The following AGBL4 variants were observed in gnomAD, a reference collection of about 807,000 sequenced individuals.
AGBL4 encodes cytosolic carboxypeptidase 6.
A neutral mutation model predicts 66.4 loss-of-function variants in AGBL4; 58 were observed. The ratio of observed to expected loss-of-function variants is 0.87; its 90% CI spans 0.71 to 1.09. AGBL4 has a LOEUF of 1.09. Among genes scored for constraint, AGBL4 ranks in the 50% least tolerant of loss-of-function variants. The probability of loss-of-function intolerance (pLI) is 0.00; values close to 1 mark genes in which losing one functional copy is unlikely to be tolerated. For synonymous variants in AGBL4, 234 were observed against 222.9 expected (o/e 1.05, Z -0.44); for missense variants, 579 against 631.0 (o/e 0.92, Z 0.88).
chr1:48,760,094 C>T (rs565463800), intron 6 of AGBL4, among the ~76,000 whole-genome samples: 27 of 152,292 alleles, frequency 1.8e-4, no homozygotes, highest in African/African-American at 6.5e-4. Context: ...AATCTAACTT[C>T]CAGTACAAGG....
At chr1:49,180,983 A>G (rs940769612) in intron 4 of AGBL4, among the ~76,000 whole-genome samples, 23 of 151,782 alleles carry the variant, frequency 1.5e-4, no homozygotes, top group African/African-American at 5.3e-4. Flanking sequence ...TATGGCTTGG[A>G]AAAACCTCTC....
chr1:49,381,617 C>A (rs1159171627), intron 3 of AGBL4, among the ~76,000 whole-genome samples: 1 of 151,960 alleles, frequency 6.6e-6, no homozygotes, highest in Non-Finnish European at 1.5e-5. Flanking sequence ...CAGTATTAGA[C>A]TGGATTAAGA....
intron 5 of AGBL4, among the ~76,000 whole-genome samples, chr1:48,907,330 C>A (rs1292369376): frequency 2.0e-5 from 3 of 152,114 alleles, no homozygotes; most frequent in African/African-American, 7.2e-5. Context: ...TAATAACTAA[C>A]AAGATAGTAA....
chr1:49,492,010 T>A (rs1241648448), intron 3 of AGBL4, among the ~76,000 whole-genome samples: 1 of 151,940 alleles, frequency 6.6e-6, no homozygotes, highest in Non-Finnish European at 1.5e-5. Context: ...TAAACTGTAA[T>A]GAAAGTGATG....
intron 11 of AGBL4, among the ~76,000 whole-genome samples, chr1:48,544,721 AC>A (rs1267847551): frequency 1.3e-5 from 2 of 151,992 alleles, no homozygotes; most frequent in Non-Finnish European, 2.9e-5. Flanking sequence ...CTGCCCTGAG[AC>A]CCTGAGACCC....
At chr1:49,336,317 C>T (rs1157460745) in intron 3 of AGBL4, among the ~76,000 whole-genome samples, 2 of 152,164 alleles carry the variant, frequency 1.3e-5, no homozygotes, top group Non-Finnish European at 2.9e-5. Context: ...AGAGTGAATT[C>T]CATCTATTTA....
At chr1:49,420,229 C>T (rs1442857057) in intron 3 of AGBL4, among the ~76,000 whole-genome samples, 2 of 152,116 alleles carry the variant, frequency 1.3e-5, no homozygotes, top group African/African-American at 4.8e-5. Flanking sequence ...AAAGGCATGA[C>T]ATGTGAAGTC....
At chr1:49,973,298 A>G (rs1658287406) in intron 1 of AGBL4, among the ~76,000 whole-genome samples, 2 of 152,190 alleles carry the variant, frequency 1.3e-5, no homozygotes. Flanking sequence ...CATAATTCCA[A>G]TCATTTAGAG....
intron 5 of AGBL4, among the ~76,000 whole-genome samples, chr1:48,953,180 G>A (rs1030265262): frequency 2.6e-5 from 4 of 152,062 alleles, no homozygotes; most frequent in Admixed American, 1.3e-4. Flanking sequence ...ATGAGCTGAA[G>A]GTCCAGAGAA....
intron 6 of AGBL4, among the ~76,000 whole-genome samples, chr1:48,695,428 C>T (rs1646699628): frequency 6.6e-6 from 1 of 152,226 alleles, no homozygotes; most frequent in Non-Finnish European, 1.5e-5. Context: ...GCCCTAATTT[C>T]AGTATAATCA....
intron 3 of AGBL4, among the ~76,000 whole-genome samples, chr1:49,393,361 G>C (rs1018905668): frequency 5.9e-5 from 9 of 152,112 alleles, no homozygotes; most frequent in Non-Finnish European, 1.0e-4. Context: ...GTCTGGAGAG[G>C]CTGGAAGATT....
rs867856610 is a variant in AGBL4, at chr1:49,529,483, A to G, written c.282+167830T>C. Among the ~76,000 whole-genome samples the G allele has an allele frequency of 2.6e-5, 4 of 152,054 alleles. No homozygotes were observed. The South Asian group carries it at 8.3e-4, about 31-fold the overall frequency. Reference sequence around the variant, plus strand: ...GACTTGAGGCCAGGAGTTCAAGACAAGCCTGGCCAACATGGTGAAACCCCT... The same window carrying G: ...GACTTGAGGCCAGGAGTTCAAGACAGGCCTGGCCAACATGGTGAAACCCCT... On this transcript the variant is annotated intron_variant, in intron 3 of 13. Transcript: ENST00000371839.
intron 2 of AGBL4, among the ~76,000 whole-genome samples, chr1:49,731,699 T>C (rs1013106980): frequency 6.6e-6 from 1 of 152,176 alleles, no homozygotes; most frequent in African/African-American, 2.4e-5. Context: ...ATATGTACCT[T>C]TTCATAAAGG....
At chr1:49,947,437 A>C (rs1655314680) in intron 1 of AGBL4, among the ~76,000 whole-genome samples, 1 of 151,992 alleles carries the variant, frequency 6.6e-6, no homozygotes, top group Non-Finnish European at 1.5e-5. Flanking sequence ...ATTAAAAACA[A>C]AAATCACATC....
At chr1:48,548,311 G>T in intron 11 of AGBL4, among the ~76,000 whole-genome samples, 1 of 151,928 alleles carries the variant, frequency 6.6e-6, no homozygotes, top group Non-Finnish European at 1.5e-5. Flanking sequence ...AATGGGCTTG[G>T]GGGAGGTGAA....
intron 12 of AGBL4, among the ~76,000 whole-genome samples, 189 bp downstream of exon 12, chr1:48,539,453 T>C (rs1402866475): frequency 1.3e-5 from 2 of 151,764 alleles, no homozygotes; most frequent in African/African-American, 4.8e-5. Context: ...TCTGACCCCT[T>C]AATGACACTT....
chr1:49,166,609 T>A (rs1344100132), intron 4 of AGBL4, among the ~76,000 whole-genome samples: 1 of 152,114 alleles, frequency 6.6e-6, no homozygotes, highest in Non-Finnish European at 1.5e-5. Flanking sequence ...CAATTTAAGC[T>A]CCCAAAGTAT....
chr1:49,171,367 A>T (rs1011616729), intron 4 of AGBL4, among the ~76,000 whole-genome samples: 1 of 152,194 alleles, frequency 6.6e-6, no homozygotes, highest in Non-Finnish European at 1.5e-5. Context: ...ACCTATATTC[A>T]TCAGTGTACT....
At chr1:48,971,476 G>A (rs941726119) in intron 5 of AGBL4, among the ~76,000 whole-genome samples, 2 of 151,730 alleles carry the variant, frequency 1.3e-5, no homozygotes, top group Non-Finnish European at 2.9e-5. Context: ...TAGTATTGAG[G>A]GGAAAAAAAA....
Sources: gnomAD v4.1 joint callset for allele counts (sites outside exome capture counted in the v4.1 genomes callset) on GRCh38, gnomAD v4.1.1 for gene constraint, MANE v1.5 for transcripts, NCBI Gene and HGNC (gene_info 2026-07-23, HGNC 2026-07-21) for gene names.